Variants in GBF1 observed in about 807,000 individuals in gnomAD.
GBF1 encodes the protein golgi brefeldin A resistant guanine nucleotide exchange factor 1.
In GBF1, 114 loss-of-function variants were observed where a neutral mutation model predicts 210.5. That is an observed-to-expected ratio of 0.54 (90% CI 0.47 to 0.63). The LOEUF is 0.63. Among genes scored for constraint, GBF1 ranks in the 30% least tolerant of loss-of-function variants. The probability of loss-of-function intolerance (pLI) is 0.00; values close to 1 mark genes in which losing one functional copy is unlikely to be tolerated. For synonymous variants in GBF1, 850 were observed against 889.2 expected (o/e 0.96, Z 0.78); for missense variants, 1,851 against 2,357.7 (o/e 0.79, Z 4.45).
chr10:102,308,811 C>G (rs891014609), intron 3 of GBF1, among the ~76,000 whole-genome samples: 1 of 151,200 alleles, frequency 6.6e-6, no homozygotes, highest in African/African-American at 2.4e-5. Flanking sequence ...ACCAGCATGG[C>G]ACATGTATAC....
intron 3 of GBF1, among the ~76,000 whole-genome samples, chr10:102,331,772 C>G (rs1403168957): frequency 2.0e-5 from 3 of 151,780 alleles, no homozygotes; most frequent in Non-Finnish European, 4.4e-5. Context: ...CCATGACATC[C>G]CTGGGCTCAA....
chr10:102,301,973 A>C (rs972342187), intron 3 of GBF1, among the ~76,000 whole-genome samples: 2 of 152,232 alleles, frequency 1.3e-5, no homozygotes, highest in South Asian at 4.1e-4. Flanking sequence ...AGCCTGGGCA[A>C]CATTGAGCAT....
At chr10:102,296,925 A>G (rs2076952453) in intron 3 of GBF1, among the ~76,000 whole-genome samples, 1 of 151,726 alleles carries the variant, frequency 6.6e-6, no homozygotes, top group African/African-American at 2.4e-5. Context: ...CGTGCCTATA[A>G]TTCCAGCTAC....
chr10:102,307,367 A>G lies in GBF1; in HGVS notation c.164-36684A>G, dbSNP rs558345837. ...ATTTTTTAACTACAGAATGATAGAG[A>G]CATATATGAAATACAGTACATTTTT... On this transcript the variant is annotated intron_variant, in intron 3 of 39. Coordinates refer to ENST00000369983, the MANE Select transcript of GBF1 (RefSeq NM_001377137.1). Among the ~76,000 whole-genome samples, 27 of 152,052 alleles carry G rather than the reference A, an allele frequency of 1.8e-4. 2 individuals are homozygous for G. The Middle Eastern group carries it at 0.034, about 193-fold the overall frequency.
intron 3 of GBF1, among the ~76,000 whole-genome samples, chr10:102,277,546 T>G (rs2075099566): frequency 6.6e-6 from 1 of 152,080 alleles, no homozygotes; most frequent in Non-Finnish European, 1.5e-5. Flanking sequence ...GCCCAGCTAA[T>G]TTTTGTATTT....
intron 3 of GBF1, among the ~76,000 whole-genome samples, chr10:102,316,208 T>G (rs1388518681): frequency 6.7e-6 from 1 of 150,126 alleles, no homozygotes; most frequent in Non-Finnish European, 1.5e-5. Context: ...TGCCTCAGCC[T>G]CCCATGTAGC....
At chr10:102,336,458 G>A (rs1273635909) in intron 3 of GBF1, among the ~76,000 whole-genome samples, 1 of 152,040 alleles carries the variant, frequency 6.6e-6, no homozygotes, top group African/African-American at 2.4e-5. Context: ...TGTTTTACAT[G>A]CATCAAATGA....
intron 28 of GBF1, 63 bp downstream of exon 28, chr10:102,370,541 A>G: frequency 7.1e-7 from 1 of 1,410,206 alleles, no homozygotes; most frequent in Non-Finnish European, 1.0e-6. Flanking sequence ...GATGGAAGCC[A>G]TCTTGCTGAG....
At chr10:102,347,341 A>C (rs1316910901) in intron 4 of GBF1, among the ~76,000 whole-genome samples, 1 of 152,188 alleles carries the variant, frequency 6.6e-6, no homozygotes, top group African/African-American at 2.4e-5. Context: ...CCGACACCCT[A>C]GTCCCAGCTT....
chr10:102,319,921 G>A (rs1028216958), intron 3 of GBF1, among the ~76,000 whole-genome samples: 6 of 151,720 alleles, frequency 4.0e-5, no homozygotes, highest in Non-Finnish European at 7.4e-5. Context: ...TAGAGATGGG[G>A]TTTCACCATA....
At chr10:102,312,956 T>G (rs762539972) in intron 3 of GBF1, among the ~76,000 whole-genome samples, 1 of 151,998 alleles carries the variant, frequency 6.6e-6, no homozygotes, top group Non-Finnish European at 1.5e-5. Flanking sequence ...GGTCTCCAAA[T>G]GGTGAAATTG....
chr10:102,245,262 ACTCCACCTCTCTAG>A (rs1325476716), upstream of GBF1, among the ~76,000 whole-genome samples: 1 of 151,214 alleles, frequency 6.6e-6, no homozygotes, highest in Non-Finnish European at 1.5e-5. Flanking sequence ...ACTCTACCTA[ACTCCACCTCTCTAG>A]CCGCCCAGCC....
chr10:102,343,041 A>G (rs918473911), intron 3 of GBF1, among the ~76,000 whole-genome samples: 4 of 152,172 alleles, frequency 2.6e-5, no homozygotes, highest in African/African-American at 9.7e-5. Flanking sequence ...GCCTTTTCTC[A>G]TCTGTAAAAT....
At chr10:102,302,883 CTG>C (rs2077505469) in intron 3 of GBF1, among the ~76,000 whole-genome samples, 1 of 151,996 alleles carries the variant, frequency 6.6e-6, no homozygotes, top group South Asian at 2.1e-4. Context: ...GTGGCCCAAA[CTG>C]TCGTTAGTGC....
intron 38 of GBF1, 25 bp downstream of exon 38, chr10:102,380,711 C>CA (rs1158184312): frequency 6.4e-7 from 1 of 1,561,470 alleles, no homozygotes; most frequent in Non-Finnish European, 8.7e-7. Context: ...CCAGCTTTAT[C>CA]AAAAAGAGTC....
chr10:102,249,843 C>T (rs992861420), intron 1 of GBF1, among the ~76,000 whole-genome samples: 1 of 152,080 alleles, frequency 6.6e-6, no homozygotes, highest in African/African-American at 2.4e-5. Context: ...AGGTGCACGC[C>T]ACCACACCCA....
chr10:102,237,977 A>T, the GBF1 span, among the ~76,000 whole-genome samples: 1 of 151,996 alleles, frequency 6.6e-6, no homozygotes, highest in Non-Finnish European at 1.5e-5. Context: ...CATCTTTGTG[A>T]CCTTTATTTG....
intron 3 of GBF1, among the ~76,000 whole-genome samples, chr10:102,265,398 G>T (rs1214064775): frequency 6.6e-6 from 1 of 152,104 alleles, no homozygotes; most frequent in African/African-American, 2.4e-5. Flanking sequence ...TCACAACCAG[G>T]CTAGGTGCAG....
At chr10:102,356,020 G>A (rs950157671) in intron 8 of GBF1, among the ~76,000 whole-genome samples, 1 of 152,210 alleles carries the variant, frequency 6.6e-6, no homozygotes, top group Non-Finnish European at 1.5e-5. Context: ...CAGGCATTTT[G>A]GAGATGGATC....
Sources: allele counts gnomAD v4.1 joint callset (sites outside exome capture counted in the v4.1 genomes callset), GRCh38; gene constraint gnomAD v4.1.1; transcripts MANE v1.5; gene names NCBI Gene and HGNC (gene_info 2026-07-23, HGNC 2026-07-21).